The following OPRM1 variants were observed in gnomAD, a reference collection of about 807,000 sequenced individuals.
OPRM1 encodes opioid receptor mu 1.
OPRM1 carries 27 observed loss-of-function variants against 31.8 expected under a neutral mutation model. That is an observed-to-expected ratio of 0.85 (90% confidence interval 0.63 to 1.17). The LOEUF (loss-of-function observed/expected upper bound fraction) is 1.17. Among genes scored for constraint, OPRM1 ranks in the 50% most tolerant of loss-of-function variants. OPRM1 has a pLI of 0.00. For missense variants in OPRM1, 536 were observed against 511.1 expected (o/e 1.05, Z -0.47); for synonymous variants, 196 against 189.9 (o/e 1.03, Z -0.26).
At chr6:154,235,253 G>A (rs1030810538) in intron 3 of OPRM1, among the ~76,000 whole-genome samples, 5 of 152,158 alleles carry the variant, frequency 3.3e-5, no homozygotes, top group Admixed American at 1.3e-4. Flanking sequence ...GTAATAGGCC[G>A]GGCATGGTGG....
At chr6:154,017,220 T>C (rs1778056441) in intron 1 of OPRM1, among the ~76,000 whole-genome samples, 1 of 152,218 alleles carries the variant, frequency 6.6e-6, no homozygotes, top group Non-Finnish European at 1.5e-5. Context: ...TTTGTGTTTT[T>C]ACTCTTTTAA....
At chr6:154,136,347 C>G (rs906441143), downstream of OPRM1, among the ~76,000 whole-genome samples, 1 of 152,178 alleles carries the variant, frequency 6.6e-6, no homozygotes, top group African/African-American at 2.4e-5. Flanking sequence ...ACGAAGAACA[C>G]TCTGCCCAAG....
chr6:154,184,314 C>A (rs1476661400), intron 3 of OPRM1, among the ~76,000 whole-genome samples: 1 of 152,020 alleles, frequency 6.6e-6, no homozygotes, highest in African/African-American at 2.4e-5. Context: ...AAATCACCTA[C>A]ATTTCCATCT....
chr6:154,088,783 T>C (rs900564266), intron 1 of OPRM1, among the ~76,000 whole-genome samples: 4 of 152,344 alleles, frequency 2.6e-5, no homozygotes, highest in East Asian at 1.9e-4. Context: ...AGTCTAATCT[T>C]ACCATGGCAT....
In OPRM1 at chr6:154,242,837, G is replaced by A. The variant is rs142267697; in HGVS notation, c.1165-3856G>A. Among the ~76,000 whole-genome samples, 186 of 152,132 alleles carry A rather than the reference G, an allele frequency of 1.2e-3. 2 individuals are homozygous for A. Among genetic ancestry groups the A allele is most frequent in the African/African-American group, 4.4e-3 (184 of 41,500 alleles). The stretch of plus-strand genomic sequence containing the variant: ...TGGGAGGCAGAGGTTGCAGTGAGCC[G>A]AGATAACACCATTGTACTCCAGCCT... On this transcript the variant is annotated intron_variant, in intron 3 of 3. Transcript: ENST00000337049.
chr6:154,065,337 T>G (rs1168860306), intron 1 of OPRM1, among the ~76,000 whole-genome samples: 1 of 151,514 alleles, frequency 6.6e-6, no homozygotes, highest in African/African-American at 2.4e-5. Context: ...TTTAGTAGAG[T>G]TGGGGTTTCA....
chr6:154,067,309 G>GT (rs1296530076), intron 1 of OPRM1, among the ~76,000 whole-genome samples: 1 of 151,406 alleles, frequency 6.6e-6, no homozygotes, highest in East Asian at 1.9e-4. Flanking sequence ...CCTTAGCACT[G>GT]TTTTTGCTGC....
chr6:154,091,588 A>T, intron 3 of OPRM1, 116 bp downstream of exon 3: 1 of 1,447,198 alleles, frequency 6.9e-7, no homozygotes, highest in Non-Finnish European at 9.0e-7. Context: ...GGAAGAGGGG[A>T]AGCAAATTGT....
intron 3 of OPRM1, among the ~76,000 whole-genome samples, chr6:154,236,507 T>C (rs543406706): frequency 1.6e-4 from 24 of 152,294 alleles, no homozygotes; most frequent in African/African-American, 4.8e-4. Flanking sequence ...AATTAAGCAA[T>C]GCCACTCAAC....
chr6:154,051,420 A>C (rs1266905820), intron 1 of OPRM1, among the ~76,000 whole-genome samples: 1 of 152,186 alleles, frequency 6.6e-6, no homozygotes, highest in Admixed American at 6.5e-5. Flanking sequence ...GCCAACATAA[A>C]ATTTGGATCT....
chr6:154,090,422 A>T (rs138361940), intron 2 of OPRM1, among the ~76,000 whole-genome samples: 36 of 152,348 alleles, frequency 2.4e-4, no homozygotes, highest in Admixed American at 9.8e-4. Flanking sequence ...TATTTACTTC[A>T]TAAAAATGGT....
rs796354438 is a variant in OPRM1, at chr6:154,227,901, C to CT, written c.1165-18783dup. Among the ~76,000 whole-genome samples, 1,133 of 150,876 alleles carry CT rather than the reference C, an allele frequency of 7.5e-3. 12 individuals carry two copies. Among genetic ancestry groups the CT allele is most frequent in the African/African-American group, 0.025 (1,031 of 41,152 alleles). On this transcript the variant is annotated intron_variant, in intron 3 of 3. Coordinates refer to the OPRM1 transcript ENST00000337049. ...GAAATTATCACTTTATAAGCAGAAG[C>CT]TTTTTTTTTATTCTGAAGACAGTTG...
chr6:154,048,177 G>A (rs1383197640), intron 1 of OPRM1, among the ~76,000 whole-genome samples: 1 of 152,200 alleles, frequency 6.6e-6, no homozygotes, highest in Non-Finnish European at 1.5e-5. Context: ...CATATTCACT[G>A]AAAACCATTA....
intron 1 of OPRM1, among the ~76,000 whole-genome samples, chr6:154,018,933 AT>A (rs901952072): frequency 6.6e-6 from 1 of 151,924 alleles, no homozygotes; most frequent in African/African-American, 2.4e-5. Context: ...TATATCACAA[AT>A]TTCTTAACAA....
chr6:154,218,833 C>T (rs1361147668), intron 3 of OPRM1, among the ~76,000 whole-genome samples: 1 of 152,194 alleles, frequency 6.6e-6, no homozygotes, highest in Non-Finnish European at 1.5e-5. Flanking sequence ...GATTCAAAAA[C>T]ATGGGGTCCA....
intron 1 of OPRM1, among the ~76,000 whole-genome samples, chr6:154,058,544 AC>A (rs1483502935): frequency 6.6e-6 from 1 of 152,206 alleles, no homozygotes; most frequent in Non-Finnish European, 1.5e-5. Flanking sequence ...TACAGTCAAA[AC>A]AAAAAGTAAC....
intron 3 of OPRM1, chr6:154,158,289 G>C (rs1173873803): frequency 6.6e-6 from 1 of 152,156 alleles, no homozygotes; most frequent in Non-Finnish European, 1.5e-5. Flanking sequence ...ATGGGTACTT[G>C]GTGGGTTGTG....
At chr6:154,097,630 C>CT (rs1793625506) in intron 3 of OPRM1, among the ~76,000 whole-genome samples, 1 of 151,180 alleles carries the variant, frequency 6.6e-6, no homozygotes, top group African/African-American at 2.4e-5. Context: ...AGGCATGTCT[C>CT]TTTTTGCATG....
chr6:154,013,245 C>G (rs1647034494), intron 1 of OPRM1, among the ~76,000 whole-genome samples: 1 of 152,100 alleles, frequency 6.6e-6, no homozygotes, highest in Admixed American at 6.6e-5. Context: ...AGAATACCAA[C>G]CAGTTACAGC....
Sources: gnomAD v4.1 joint callset for allele counts (sites outside exome capture counted in the v4.1 genomes callset) on GRCh38, gnomAD v4.1.1 for gene constraint, MANE v1.5 for transcripts, NCBI Gene and HGNC (gene_info 2026-07-23, HGNC 2026-07-21) for gene names.